The following TRIM55 variants were observed in gnomAD, a reference collection of about 807,000 sequenced individuals.
TRIM55 encodes tripartite motif-containing protein 55.
In TRIM55, 50 loss-of-function variants were observed where a neutral mutation model predicts 60.9. That is an observed-to-expected ratio of 0.82 (90% CI 0.65 to 1.04). The LOEUF (loss-of-function observed/expected upper bound fraction) is 1.04, where lower values mean the gene tolerates loss of function less well. Among genes scored for constraint, TRIM55 ranks in the 50% least tolerant of loss-of-function variants. The pLI, the probability that TRIM55 is intolerant of heterozygous loss-of-function variation, is 0.00. For synonymous variants in TRIM55, 237 were observed against 238.1 expected, an observed-to-expected ratio of 1.00 and a Z score of 0.04; for missense variants, 681 against 666.9, an observed-to-expected ratio of 1.02 and a Z score of -0.23.
chr8:66,149,058 AGAAAG>A (rs1292538568), intron 4 of TRIM55, among the ~76,000 whole-genome samples: 1 of 152,222 alleles, frequency 6.6e-6, no homozygotes, highest in Non-Finnish European at 1.5e-5. Flanking sequence ...CAAAGAAGAA[AGAAAG>A]GAAAGAACAA....
chr8:66,167,359 C>T (rs1811383884), intron 9 of TRIM55, among the ~76,000 whole-genome samples: 1 of 152,160 alleles, frequency 6.6e-6, no homozygotes, highest in Admixed American at 6.5e-5. Flanking sequence ...TCTTCACAAT[C>T]CAGTTCTTTT....
At chr8:66,157,753 C>T (rs1810825205) in intron 9 of TRIM55, among the ~76,000 whole-genome samples, 1 of 152,204 alleles carries the variant, frequency 6.6e-6, no homozygotes, top group Admixed American at 6.5e-5. Flanking sequence ...CATCCATGTA[C>T]ACAGTGAAAC....
chr8:66,162,337 A>G (rs548738218), intron 9 of TRIM55, among the ~76,000 whole-genome samples: 1 of 152,198 alleles, frequency 6.6e-6, no homozygotes, highest in South Asian at 2.1e-4. Flanking sequence ...GCTTATGTAT[A>G]TTAAACCATC....
At chr8:66,135,289 G>A in intron 3 of TRIM55, 134 bp downstream of exon 3, 1 of 867,102 alleles carries the variant, frequency 1.2e-6, no homozygotes, top group Middle Eastern at 3.4e-4. Flanking sequence ...GACACTGGAG[G>A]GCACACAAGG....
At chr8:66,144,644 G>T (rs577393028) in intron 4 of TRIM55, among the ~76,000 whole-genome samples, 1 of 152,308 alleles carries the variant, frequency 6.6e-6, no homozygotes, top group African/African-American at 2.4e-5. Context: ...AAACTCGAAA[G>T]CTCAAAAAGT....
the TRIM55 span, among the ~76,000 whole-genome samples, chr8:66,116,917 A>T: frequency 6.6e-6 from 1 of 152,260 alleles, no homozygotes; most frequent in Non-Finnish European, 1.5e-5. Flanking sequence ...ACAAAATTTT[A>T]GCTAAGTAAA....
At chr8:66,127,466 A>C in intron 1 of TRIM55, 30 bp downstream of exon 1, 2 of 1,245,596 alleles carry the variant, frequency 1.6e-6, no homozygotes, top group Non-Finnish European at 2.3e-6. Flanking sequence ...GGTTGAGGGG[A>C]GGGGGTGGAA....
intron 4 of TRIM55, among the ~76,000 whole-genome samples, chr8:66,140,601 T>C (rs983341898): frequency 6.6e-6 from 1 of 152,182 alleles, no homozygotes; most frequent in Non-Finnish European, 1.5e-5. Flanking sequence ...GCTGGGGTGA[T>C]CTCCCAGAGC....
the TRIM55 span, among the ~76,000 whole-genome samples, chr8:66,117,371 G>A: frequency 1.3e-5 from 2 of 152,158 alleles, no homozygotes; most frequent in Non-Finnish European, 2.9e-5. Flanking sequence ...AACAATATTG[G>A]TTACATGTTG....
At chr8:66,115,954 T>A in the TRIM55 span, among the ~76,000 whole-genome samples, 1 of 152,202 alleles carries the variant, frequency 6.6e-6, no homozygotes, top group African/African-American at 2.4e-5. Context: ...GCCATTTCCC[T>A]GGCAAACTGT....
intron 4 of TRIM55, among the ~76,000 whole-genome samples, chr8:66,143,343 C>T (rs920095200): frequency 3.3e-5 from 5 of 152,098 alleles, no homozygotes; most frequent in African/African-American, 7.2e-5. Context: ...TTAATGCTGT[C>T]GATGACACAA....
At chr8:66,164,594 C>T (rs1277519349) in intron 9 of TRIM55, among the ~76,000 whole-genome samples, 1 of 152,166 alleles carries the variant, frequency 6.6e-6, no homozygotes. Context: ...AGTCCCTTCC[C>T]CTTTCCCAAG....
At chr8:66,129,521 A>G (rs1809021993) in intron 2 of TRIM55, among the ~76,000 whole-genome samples, 1 of 152,232 alleles carries the variant, frequency 6.6e-6, no homozygotes, top group Non-Finnish European at 1.5e-5. Context: ...ATCCAAAACT[A>G]AATTAGACAG....
chr8:66,121,723 A>G, the TRIM55 span, among the ~76,000 whole-genome samples: 1 of 152,196 alleles, frequency 6.6e-6, no homozygotes, highest in Non-Finnish European at 1.5e-5. Flanking sequence ...TTCTCAGTCC[A>G]TAAATCTTAT....
the TRIM55 span, chr8:66,115,106 T>A: frequency 6.5e-6 from 1 of 154,626 alleles, no homozygotes; most frequent in Non-Finnish European, 1.4e-5. Context: ...ACCGCGCAGT[T>A]CTTACAAGAC....
intron 9 of TRIM55, among the ~76,000 whole-genome samples, chr8:66,169,777 A>G (rs1328492643): frequency 6.6e-6 from 1 of 152,212 alleles, no homozygotes; most frequent in African/African-American, 2.4e-5. Context: ...GGGACGGAGC[A>G]TTCCCAATCC....
intron 9 of TRIM55, chr8:66,155,790 T>C: frequency 1.0e-6 from 1 of 1,002,710 alleles, no homozygotes; most frequent in East Asian, 2.4e-5. Flanking sequence ...GGCCCAGAGA[T>C]TAATTTCTCC....
At chr8:66,174,082 T>C (rs1811786980) in intron 9 of TRIM55, among the ~76,000 whole-genome samples, 1 of 152,002 alleles carries the variant, frequency 6.6e-6, no homozygotes, top group South Asian at 2.1e-4. Flanking sequence ...AAATTTGGAA[T>C]TTTTTCAAAT....
At chr8:66,114,233 G>A in the TRIM55 span, among the ~76,000 whole-genome samples, 19 of 152,306 alleles carry the variant, frequency 1.2e-4, no homozygotes, top group East Asian at 5.8e-4. Flanking sequence ...GCATGCGAGA[G>A]GTAGCGGGAT....
Sources: allele counts gnomAD v4.1 joint callset (sites outside exome capture counted in the v4.1 genomes callset), GRCh38; gene constraint gnomAD v4.1.1; transcripts MANE v1.5; gene names NCBI Gene and HGNC (gene_info 2026-07-23, HGNC 2026-07-21).